The following PARL variants were observed in gnomAD, a reference collection of about 807,000 sequenced individuals.
PARL encodes presenilin-associated rhomboid-like protein, mitochondrial.
PARL carries 44 observed loss-of-function variants against 51.6 expected under a neutral mutation model. The ratio of observed to expected loss-of-function variants is 0.85; its 90% confidence interval spans 0.67 to 1.10. The LOEUF is 1.10. Among genes scored for constraint, PARL ranks in the 50% least tolerant of loss-of-function variants. The pLI, the probability that PARL is intolerant of heterozygous loss-of-function variation, is 0.00. For synonymous variants in PARL, 172 were observed against 164.0 expected (o/e 1.05, Z -0.37); for missense variants, 441 against 469.5 (o/e 0.94, Z 0.56).
chr3:183,881,476 G>A (rs1214933623), intron 1 of PARL, among the ~76,000 whole-genome samples: 1 of 152,206 alleles, frequency 6.6e-6, no homozygotes, highest in Non-Finnish European at 1.5e-5. Flanking sequence ...AAATATACAG[G>A]TCAGTGTTAA....
intron 9 of PARL, among the ~76,000 whole-genome samples, chr3:183,830,316 C>T (rs1362961160): frequency 1.3e-5 from 2 of 152,234 alleles, no homozygotes; most frequent in Non-Finnish European, 2.9e-5. Flanking sequence ...TTAGTAACTT[C>T]GCCTGCTCAG....
chr3:183,851,273 T>C (rs1036239021), intron 4 of PARL, among the ~76,000 whole-genome samples: 9 of 152,104 alleles, frequency 5.9e-5, no homozygotes, highest in African/African-American at 2.2e-4. Context: ...CACTTAAAAG[T>C]ACAAGCAACA....
At chr3:183,831,927 T>C (rs1727986875) in intron 9 of PARL, among the ~76,000 whole-genome samples, 1 of 152,172 alleles carries the variant, frequency 6.6e-6, no homozygotes, top group Non-Finnish European at 1.5e-5. Context: ...CCAATTATTT[T>C]CAGAATGGAA....
intron 6 of PARL, among the ~76,000 whole-genome samples, chr3:183,841,507 GGT>G (rs1729311038): frequency 6.6e-6 from 1 of 152,170 alleles, no homozygotes; most frequent in African/African-American, 2.4e-5. Flanking sequence ...TCACTCAGCT[GGT>G]AGTAGAAATA....
At position 183,849,121 on chromosome 3, in the gene PARL, G is replaced by T. The variant is rs554824252; in HGVS notation, c.512-4795C>A. 8.5e-5 allele frequency among the ~76,000 whole-genome samples: 13 copies of T among 152,258 alleles called. No homozygotes were observed. In the South Asian group the frequency reaches 2.7e-3, roughly 32 times the overall value. ...ACTTCAGAACTCTATTTATAATAATGGAGAGAATAATTAAATGATCAGCAA... is the reference window on the plus strand; with the variant it reads ...ACTTCAGAACTCTATTTATAATAATTGAGAGAATAATTAAATGATCAGCAA... On this transcript the variant is annotated intron_variant, in intron 4 of 9. Transcript: ENST00000317096.
chr3:183,830,166 T>A (rs1727764884), intron 9 of PARL, among the ~76,000 whole-genome samples: 1 of 152,188 alleles, frequency 6.6e-6, no homozygotes, highest in African/African-American at 2.4e-5. Flanking sequence ...GTCATCTTCC[T>A]CCTAACTATA....
At chr3:183,872,268 C>T (rs1733309007) in intron 1 of PARL, among the ~76,000 whole-genome samples, 2 of 152,194 alleles carry the variant, frequency 1.3e-5, no homozygotes, top group African/African-American at 4.8e-5. Flanking sequence ...TCCCAAAGTG[C>T]TGGGATTACA....
At chr3:183,827,368 G>A (rs1043425577), downstream of PARL, among the ~76,000 whole-genome samples, 3 of 152,040 alleles carry the variant, frequency 2.0e-5, no homozygotes, top group African/African-American at 4.8e-5. Flanking sequence ...CTTGAGCCCA[G>A]GACTTCAAGG....
In PARL at chr3:183,866,660, T is replaced by A. The variant is rs35450106; in HGVS notation, c.427A>T (p.Ile143Leu). The change falls in exon 3 of 10, where the codon ATA becomes TTA. Residue 143 changes from isoleucine to leucine, a missense_variant. Coordinates refer to ENST00000317096, the MANE Select transcript of PARL (RefSeq NM_018622.7). Reference sequence around the variant, plus strand: ...AAGTCTCCTTCTTTTTGTGGTCTTATGCTATCCAACCAATCAGCTTTTATA... The same window carrying A: ...AAGTCTCCTTCTTTTTGTGGTCTTAAGCTATCCAACCAATCAGCTTTTATA... ...DGIKADWLDSIRPQKEGDFRK... is the reference protein window; with the variant it reads ...DGIKADWLDSLRPQKEGDFRK... 13 of 1,612,032 alleles carry A rather than the reference T, an allele frequency of 8.1e-6. No homozygotes were observed. The Admixed American group carries it at 2.0e-4, about 25-fold the overall frequency.
chr3:183,860,114 G>A (rs935828623), intron 4 of PARL, among the ~76,000 whole-genome samples: 3 of 151,516 alleles, frequency 2.0e-5, no homozygotes, highest in Non-Finnish European at 4.4e-5. Context: ...AAGTGGGACG[G>A]AGTAGACCTG....
chr3:183,831,855 G>A (rs952895942), intron 9 of PARL, among the ~76,000 whole-genome samples: 14 of 152,164 alleles, frequency 9.2e-5, no homozygotes, highest in Non-Finnish European at 4.4e-5. Context: ...GTTTAAATTA[G>A]AAACAGTAAA....
At chr3:183,862,880 C>T (rs1031622629) in intron 3 of PARL, 79 bp from the exon 4 acceptor site, 30 of 1,089,512 alleles carry the variant, frequency 2.8e-5, no homozygotes, top group Middle Eastern at 3.9e-4. Flanking sequence ...GAAAATGCCT[C>T]GCACATAAGA....
intron 3 of PARL, among the ~76,000 whole-genome samples, chr3:183,865,980 G>A (rs1287150626): frequency 6.6e-6 from 1 of 151,422 alleles, no homozygotes; most frequent in African/African-American, 2.4e-5. Context: ...CTTGGGTTCA[G>A]GCGATTCTCC....
At chr3:183,883,811 G>C (rs897574300) in intron 1 of PARL, 3 of 428,408 alleles carry the variant, frequency 7.0e-6, no homozygotes, top group Non-Finnish European at 9.4e-6. Flanking sequence ...TGTGATTTGG[G>C]AGGACTGGGG....
chr3:183,882,410 T>C (rs201315067), intron 1 of PARL, among the ~76,000 whole-genome samples: 16 of 35,838 alleles, frequency 4.5e-4, no homozygotes, highest in South Asian at 9.0e-4. Context: ...TACACACACA[T>C]ATATATAGAG....
intron 6 of PARL, among the ~76,000 whole-genome samples, chr3:183,841,127 C>T (rs1729262212): frequency 6.6e-6 from 1 of 152,154 alleles, no homozygotes; most frequent in Admixed American, 6.5e-5. Flanking sequence ...GTACTCCAGA[C>T]ACACGAAATC....
At chr3:183,879,236 C>T (rs946313728) in intron 1 of PARL, among the ~76,000 whole-genome samples, 13 of 152,202 alleles carry the variant, frequency 8.5e-5, no homozygotes, top group African/African-American at 2.7e-4. Context: ...TGGCTTAAGC[C>T]AAATTTCACA....
chr3:183,852,264 AAC>A (rs1256430777), intron 4 of PARL, among the ~76,000 whole-genome samples: 2 of 152,252 alleles, frequency 1.3e-5, no homozygotes, highest in Admixed American at 1.3e-4. Context: ...AATGTCCATC[AAC>A]AGAAGAATGG....
In PARL at chr3:183,854,434, C is replaced by T. The variant is rs1384659266; in HGVS notation, c.511+8319G>A. Among the ~76,000 whole-genome samples, 3 of 152,212 alleles carry T rather than the reference C, an allele frequency of 2.0e-5. No homozygotes were observed. The South Asian group carries it at 6.2e-4, about 32-fold the overall frequency. ...TTAAAAAAGGAAGTAAATACTGTCA[C>T]GTGCTCCAACATGGATAAACCTTGT... On this transcript the variant is annotated intron_variant, in intron 4 of 9. Coordinates refer to ENST00000317096, the MANE Select transcript of PARL (RefSeq NM_018622.7).
Sources: gnomAD v4.1 joint callset for allele counts (sites outside exome capture counted in the v4.1 genomes callset) on GRCh38, gnomAD v4.1.1 for gene constraint, MANE v1.5 for transcripts, NCBI Gene and HGNC (gene_info 2026-07-23, HGNC 2026-07-21) for gene names.